Variants in C11orf87 observed in about 807,000 individuals in gnomAD.
C11orf87 encodes the protein chromosome 11 open reading frame 87, also known as uncharacterized protein C11orf87.
In C11orf87, 3 loss-of-function variants were observed where a neutral mutation model predicts 9.2. That is an observed-to-expected ratio of 0.33 (90% confidence interval 0.15 to 0.84). The LOEUF (loss-of-function observed/expected upper bound fraction) is 0.84, where lower values mean the gene tolerates loss of function less well. Ranked by LOEUF, C11orf87 falls within the 40% of genes least tolerant of loss-of-function variation. C11orf87 has a pLI of 0.55. For synonymous variants in C11orf87, 124 were observed against 124.6 expected, an observed-to-expected ratio of 1.00 and a Z score of 0.03; for missense variants, 256 against 270.7, an observed-to-expected ratio of 0.95 and a Z score of 0.38.
rs760595629 is a variant in C11orf87 at position 109,423,740 on chromosome 11, G to T, written c.107G>T (p.Arg36Leu). 10 of 1,613,664 alleles carry T rather than the reference G, an allele frequency of 6.2e-6. No individual in the cohort carries two copies. The highest frequency in any genetic ancestry group is 8.5e-6 in the Non-Finnish European group (10 of 1,179,872). The change falls in exon 2 of 2, where the codon CGC becomes CTC. Residue 36 changes from arginine to leucine, a missense_variant. Arg to Leu is a moderately radical substitution (Grantham distance 102). Coordinates refer to ENST00000327419, the MANE Select transcript of C11orf87 (RefSeq NM_207645.4). The surrounding 1 kb of genome is among the most constrained non-coding windows in gnomAD (Gnocchi z 5.3). ...AGCGGCAGCGGCAACACGGGTGCCCGCGGCCCAGGCGCAGTAGGCAGCGGC... is the reference window on the plus strand; with the variant it reads ...AGCGGCAGCGGCAACACGGGTGCCCTCGGCCCAGGCGCAGTAGGCAGCGGC... ...NASGSGNTGA[R>L]GPGAVGSGTC...
rs1860574001 is a variant in C11orf87, at chr11:109,426,425, A to C, written c.*2198A>C. The stretch of plus-strand genomic sequence containing the variant: ...CAAGCTCAGTTTGCATCTTTTATAA[A>C]AATAATTTAATAAACTTAATTTTAA... On this transcript the variant is annotated 3_prime_UTR_variant, in exon 2 of 2. Transcript: ENST00000327419. The C allele has an allele frequency of 6.6e-6, 1 of 152,264 alleles. No individual in the cohort carries two copies. Among genetic ancestry groups the C allele is most frequent in the African/African-American group, 2.4e-5 (1 of 41,462 alleles). The allele number at this position is 152,264 out of a possible 1,614,324, so 9.4% of individuals were successfully genotyped here. A position where few individuals can be genotyped will look rare whatever the true frequency, so the allele number is the denominator to read the frequency against.
rs78745940 is a variant in C11orf87, at chr11:109,425,723, C to G, written c.*1496C>G. 0.018 allele frequency: 2,786 copies of G among 152,586 alleles called. 39 individuals carry two copies. The highest frequency in any genetic ancestry group is 0.026 in the Non-Finnish European group (1,756 of 68,034). The allele number at this position is 152,586 out of a possible 1,614,324, so 9.5% of individuals were successfully genotyped here. On this transcript the variant is annotated 3_prime_UTR_variant, in exon 2 of 2. Coordinates refer to ENST00000327419, the MANE Select transcript of C11orf87 (RefSeq NM_207645.4). ...ATTTAAACAGTGCCTGTAGTTCTCC[C>G]TGCATGCAGTTACCACCTGGAGGCA...
Position 109,423,360 on chromosome 11 carries a change from T to G in C11orf87, c.-259-15T>G, listed in dbSNP as rs937784683. On this transcript the variant is annotated splice_polypyrimidine_tract_variant and intron_variant, in intron 1 of 1. Transcript: ENST00000327419. The surrounding 1 kb of genome is among the most constrained non-coding windows in gnomAD (Gnocchi z 5.3). ...GCAGCGGCCGAGATTCTAACTAAGC[T>G]TTGTGTCTTTGCAGCCTGGTGCCTC... 3.0e-5 allele frequency: 16 copies of G among 533,146 alleles called. No individual in the cohort carries two copies. Among genetic ancestry groups the G allele is most frequent in the Non-Finnish European group, 4.3e-5 (13 of 303,394 alleles). 33.0% of individuals were successfully genotyped at this position (533,146 alleles called of 1,614,324 possible).
At position 109,426,687 on chromosome 11, in the gene C11orf87, T is replaced by G. The variant is rs1860576987; in HGVS notation, c.*2460T>G. ...GTTCTACACTGTACATCAGAATGAC[T>G]AAGGCACTGTGAAGAAGAAAGTCCA... On this transcript the variant is annotated 3_prime_UTR_variant, in exon 2 of 2. Coordinates refer to ENST00000327419, the MANE Select transcript of C11orf87 (RefSeq NM_207645.4). 6.6e-6 allele frequency: 1 copy of G among 152,194 alleles called. No individual in the cohort carries two copies. Among genetic ancestry groups the G allele is most frequent in the Admixed American group, 6.5e-5 (1 of 15,284 alleles). 9.4% of individuals were successfully genotyped at this position (152,194 alleles called of 1,614,324 possible). A position where few individuals can be genotyped will look rare whatever the true frequency, so the allele number is the denominator to read the frequency against.
At chr11:109,422,435 C>T (rs1019109279) in intron 1 of C11orf87, among the ~76,000 whole-genome samples, 172 bp downstream of exon 1, 1 of 152,258 alleles carries the variant, frequency 6.6e-6, no homozygotes, top group African/African-American at 2.4e-5. Flanking sequence ...CTCGCTACTC[C>T]GCAGTGCAAC....
In C11orf87 at chr11:109,423,706, C is replaced by G. The variant is rs559668737; in HGVS notation, c.73C>G (p.Pro25Ala). Reference sequence around the variant, plus strand: ...TCTCCTCAACCGGACCTTTGCTTCCCCCAACGCCAGCGGCAGCGGCAACAC... The same window carrying G: ...TCTCCTCAACCGGACCTTTGCTTCCGCCAACGCCAGCGGCAGCGGCAACAC... ...PCLLNRTFAS[P>A]NASGSGNTGA... Residue 25 changes from proline (P) to alanine (A), a missense_variant, in exon 2 of 2, where the codon CCC (proline) becomes GCC (alanine). Coordinates refer to ENST00000327419, the MANE Select transcript of C11orf87 (RefSeq NM_207645.4). The surrounding 1 kb of genome is among the most constrained non-coding windows in gnomAD (Gnocchi z 5.3). The G allele has an allele frequency of 5.0e-6, 8 of 1,613,080 alleles. No individual in the cohort carries two copies. In the East Asian group the frequency reaches 1.8e-4, roughly 36 times the overall value.
rs1341104161 is a variant in C11orf87, at chr11:109,427,305, A to G, written c.*3078A>G. ...AAAGATGATGCAGTTTGTGAGTCAG[A>G]TTTCATACTGAGCTTAATATACTCA... On this transcript the variant is annotated 3_prime_UTR_variant, in exon 2 of 2. Transcript: ENST00000327419. The G allele has an allele frequency of 6.6e-6, 1 of 152,152 alleles. No individual in the cohort carries two copies. 9.4% of individuals were successfully genotyped at this position (152,152 alleles called of 1,614,324 possible).
chr11:109,428,899 A>G lies in C11orf87; in HGVS notation c.*4672A>G, dbSNP rs1280044542. On this transcript the variant is annotated 3_prime_UTR_variant, in exon 2 of 2. Coordinates refer to ENST00000327419, the MANE Select transcript of C11orf87 (RefSeq NM_207645.4). ...ATTTGGAGACAATGACTTATCAAGG[A>G]GGTCCTACCCATTTGTGGTAGGGAT... is the stretch of plus-strand genomic sequence containing the variant. 6.6e-6 allele frequency: 1 copy of G among 152,210 alleles called. No homozygotes were observed. The highest frequency in any genetic ancestry group is 1.5e-5 in the Non-Finnish European group (1 of 68,024). 9.4% of individuals were successfully genotyped at this position (152,210 alleles called of 1,614,324 possible).
In C11orf87 at chr11:109,427,633, C is replaced by T. The variant is rs1038997717; in HGVS notation, c.*3406C>T. 1.6e-4 allele frequency: 24 copies of T among 152,184 alleles called. No individual in the cohort carries two copies. The highest frequency in any genetic ancestry group is 5.5e-4 in the African/African-American group (23 of 41,532). The allele number at this position is 152,184 out of a possible 1,614,324, so 9.4% of individuals were successfully genotyped here. On this transcript the variant is annotated 3_prime_UTR_variant, in exon 2 of 2. Coordinates refer to ENST00000327419, the MANE Select transcript of C11orf87 (RefSeq NM_207645.4). ...CCCGTCAAACTAAATGCTTCAAACCCCTATAGCTACAGCTTAACTTCTGCA... is the reference window on the plus strand; with the variant it reads ...CCCGTCAAACTAAATGCTTCAAACCTCTATAGCTACAGCTTAACTTCTGCA...
rs1276328411 is a variant in C11orf87, at chr11:109,426,846, G to A, written c.*2619G>A. 1 of 152,200 alleles carries A rather than the reference G, an allele frequency of 6.6e-6. No homozygotes were observed. The highest frequency in any genetic ancestry group is 1.5e-5 in the Non-Finnish European group (1 of 68,024). The allele number at this position is 152,200 out of a possible 1,614,324, so 9.4% of individuals were successfully genotyped here. ...CATCATTTCCAATGAGCTCCAATAA[G>A]TGCATGGATATTACTTTCTTTCCCT... On this transcript the variant is annotated 3_prime_UTR_variant, in exon 2 of 2. Transcript: ENST00000327419.
chr11:109,424,301 C>A lies in C11orf87; in HGVS notation c.*74C>A. 1 of 1,257,844 alleles carries A rather than the reference C, an allele frequency of 8.0e-7. No individual in the cohort carries two copies. The allele number at this position is 1,257,844 out of a possible 1,614,324, so 77.9% of individuals were successfully genotyped here. A position where few individuals can be genotyped will look rare whatever the true frequency, so the allele number is the denominator to read the frequency against. The stretch of plus-strand genomic sequence containing the variant: ...CCCTTGCTTTTTTCCTTCTTCCTTC[C>A]TTTTCCATTTTCCTCTGGCCCCTCT... On this transcript the variant is annotated 3_prime_UTR_variant, in exon 2 of 2. Transcript: ENST00000327419. This position sits in a 1 kb window ranked among gnomAD's most constrained non-coding sequence, Gnocchi z 4.7.
In C11orf87 at chr11:109,424,032, G is replaced by A; in HGVS notation, c.399G>A (p.Arg133=). The A allele has an allele frequency of 6.2e-7, 1 of 1,613,978 alleles. No individual in the cohort carries two copies. The highest frequency in any genetic ancestry group is 8.5e-7 in the Non-Finnish European group (1 of 1,180,016). Residue 133 remains arginine, a synonymous_variant, in exon 2 of 2, where the codon AGG becomes AGA. Coordinates refer to ENST00000327419, the MANE Select transcript of C11orf87 (RefSeq NM_207645.4). This position sits in a 1 kb window ranked among gnomAD's most constrained non-coding sequence, Gnocchi z 4.7. ...PTHAKETRLE[R]QPRDSPFCAP... ...ACGCAAAGGAAACCCGGCTGGAGAG[G>A]CAGCCCCGGGACTCTCCCTTCTGCG...
Position 109,424,322 on chromosome 11 carries a change from C to G in C11orf87, c.*95C>G, listed in dbSNP as rs769356379. 1 of 978,438 alleles carries G rather than the reference C, an allele frequency of 1.0e-6. No homozygotes were observed. Among genetic ancestry groups the G allele is most frequent in the Non-Finnish European group, 1.5e-6 (1 of 648,456 alleles). The allele number at this position is 978,438 out of a possible 1,614,324, so 60.6% of individuals were successfully genotyped here. Reference sequence around the variant, plus strand: ...CTTCCTTTTCCATTTTCCTCTGGCCCCTCTTTCCTCTTCCTGGTTTCCTTA... The same window carrying G: ...CTTCCTTTTCCATTTTCCTCTGGCCGCTCTTTCCTCTTCCTGGTTTCCTTA... On this transcript the variant is annotated 3_prime_UTR_variant, in exon 2 of 2. Coordinates refer to ENST00000327419, the MANE Select transcript of C11orf87 (RefSeq NM_207645.4). The surrounding 1 kb of genome is among the most constrained non-coding windows in gnomAD (Gnocchi z 4.7).
rs777533474 is a variant in C11orf87 at position 109,424,103 on chromosome 11, C to T, written c.470C>T (p.Pro157Leu). Residue 157 changes from proline (P) to leucine (L), a missense_variant, in exon 2 of 2, where the codon CCG becomes CTG. Transcript: ENST00000327419. The surrounding 1 kb of genome is among the most constrained non-coding windows in gnomAD (Gnocchi z 4.7). ...TTGTCCTCTTCGTCCCCTGGCCTCC[C>T]GTGCCAGGGTCCCTGTGCTCCTCCG... ...SSLSSSSPGL[P>L]CQGPCAPPPP... 58 of 1,613,666 alleles carry T rather than the reference C, an allele frequency of 3.6e-5. No homozygotes were observed. In the East Asian group the frequency reaches 3.8e-4, roughly 11 times the overall value.
chr11:109,423,450 G>C lies in C11orf87; in HGVS notation c.-184G>C, dbSNP rs756298227. The C allele has an allele frequency of 9.2e-4, 561 of 609,320 alleles. 2 individuals carry two copies. Among genetic ancestry groups the C allele is most frequent in the Middle Eastern group, 7.9e-3 (18 of 2,270 alleles). 37.7% of individuals were successfully genotyped at this position (609,320 alleles called of 1,614,324 possible). On this transcript the variant is annotated 5_prime_UTR_variant, in exon 2 of 2. Coordinates refer to ENST00000327419, the MANE Select transcript of C11orf87 (RefSeq NM_207645.4). This position sits in a 1 kb window ranked among gnomAD's most constrained non-coding sequence, Gnocchi z 5.3. ...TATCGGCGAGGATCTCTCGGGCGCCGCTCACTCCTTGGTCGCCTTGCTTGC... is the reference window on the plus strand; with the variant it reads ...TATCGGCGAGGATCTCTCGGGCGCCCCTCACTCCTTGGTCGCCTTGCTTGC...
In C11orf87 at chr11:109,426,068, A is replaced by G. The variant is rs1314948043; in HGVS notation, c.*1841A>G. ...TCTATGTTAGAAATGGAAGTAGTCT[A>G]TAGTTATTTACCACCTTGTTTCCTT... On this transcript the variant is annotated 3_prime_UTR_variant, in exon 2 of 2. Transcript: ENST00000327419. 2.0e-5 allele frequency: 3 copies of G among 152,246 alleles called. No homozygotes were observed. The highest frequency in any genetic ancestry group is 1.5e-5 in the Non-Finnish European group (1 of 68,040). 9.4% of individuals were successfully genotyped at this position (152,246 alleles called of 1,614,324 possible). A position where few individuals can be genotyped will look rare whatever the true frequency, so the allele number is the denominator to read the frequency against.
rs1860575271 is a variant in C11orf87 at position 109,426,564 on chromosome 11, G to A, written c.*2337G>A. 1 of 152,166 alleles carries A rather than the reference G, an allele frequency of 6.6e-6. No individual in the cohort carries two copies. The highest frequency in any genetic ancestry group is 2.4e-5 in the African/African-American group (1 of 41,442). 9.4% of individuals were successfully genotyped at this position (152,166 alleles called of 1,614,324 possible). A position where few individuals can be genotyped will look rare whatever the true frequency, so the allele number is the denominator to read the frequency against. On this transcript the variant is annotated 3_prime_UTR_variant, in exon 2 of 2. Coordinates refer to ENST00000327419, the MANE Select transcript of C11orf87 (RefSeq NM_207645.4). Reference sequence around the variant, plus strand: ...CTTTGGGTACAATATATTAAACAATGAACCAGTTTTTCTCCAGTGCCTTAG... The same window carrying A: ...CTTTGGGTACAATATATTAAACAATAAACCAGTTTTTCTCCAGTGCCTTAG...
In C11orf87 at chr11:109,429,131, T is replaced by A. The variant is rs1860609352; in HGVS notation, c.*4904T>A. The A allele has an allele frequency of 6.6e-6, 1 of 152,222 alleles. No individual in the cohort carries two copies. The highest frequency in any genetic ancestry group is 1.5e-5 in the Non-Finnish European group (1 of 68,026). The allele number at this position is 152,222 out of a possible 1,614,324, so 9.4% of individuals were successfully genotyped here. The stretch of plus-strand genomic sequence containing the variant: ...TCTTGTTAATTGGCTTTTTGGACAC[T>A]ATTTCCTTGCCAATTTAATGTACAA... On this transcript the variant is annotated 3_prime_UTR_variant, in exon 2 of 2. Transcript: ENST00000327419.
rs145289964 is a variant in C11orf87 at position 109,423,675 on chromosome 11, G to A, written c.42G>A (p.Pro14=). ...CGAAGGAGCTGAGGCTGGCGTTGCC[G>A]CCGTGTCTCCTCAACCGGACCTTTG... ...RAPKELRLAL[P]PCLLNRTFAS... The change falls in exon 2 of 2, where the codon CCG becomes CCA. Residue 14 remains proline, a synonymous_variant. Transcript: ENST00000327419. The surrounding 1 kb of genome is among the most constrained non-coding windows in gnomAD (Gnocchi z 5.3). 124 of 1,608,722 alleles carry A rather than the reference G, an allele frequency of 7.7e-5. No homozygotes were observed. The East Asian group carries it at 2.4e-3, about 31-fold the overall frequency.
Sources: allele counts gnomAD v4.1 joint callset (sites outside exome capture counted in the v4.1 genomes callset), GRCh38; gene constraint gnomAD v4.1.1; non-coding constraint Gnocchi (gnomAD v3.1); transcripts MANE v1.5; gene names NCBI Gene and HGNC (gene_info 2026-07-23, HGNC 2026-07-21).